DACH2: variants seen among roughly 807,000 people sequenced by gnomAD.
DACH2 encodes dachshund homolog 2.
A neutral mutation model predicts 35.8 loss-of-function variants in DACH2; 17 were observed. The observed-to-expected ratio is 0.48, with a 90% CI of 0.33 to 0.71. The LOEUF (loss-of-function observed/expected upper bound fraction) is 0.71. DACH2 is among the 30% of genes least tolerant of loss of function. DACH2 has a pLI of 0.02. For missense variants in DACH2, 469 were observed against 472.7 expected (o/e 0.99, Z 0.07); for synonymous variants, 195 against 177.3 (o/e 1.10, Z -0.79).
At chrX:86,175,568 A>G (rs1057287967) in intron 1 of DACH2, among the ~76,000 whole-genome samples, 1 of 111,848 alleles carries the variant, frequency 8.9e-6, no homozygotes, top group African/African-American at 3.3e-5. Flanking sequence ...GGTGGAAGAC[A>G]TAACAGCATA....
chrX:86,274,236 T>TGGGAAGCAGAACAC (rs2033865325), intron 1 of DACH2, among the ~76,000 whole-genome samples: 1 of 110,507 alleles, frequency 9.0e-6, no homozygotes, highest in South Asian at 3.9e-4. Context: ...GAAGCAGAAC[T>TGGGAAGCAGAACAC]ATGTATTGTG....
intron 2 of DACH2, among the ~76,000 whole-genome samples, chrX:86,462,249 G>A (rs996007834): frequency 1.8e-5 from 2 of 111,726 alleles, no homozygotes; most frequent in African/African-American, 6.5e-5. Flanking sequence ...GAACTGAAGA[G>A]TTTCTTTATA....
chrX:86,178,391 T>G (rs1451679642), intron 1 of DACH2, among the ~76,000 whole-genome samples: 3 of 111,620 alleles, frequency 2.7e-5, no homozygotes, highest in Admixed American at 1.9e-4. Context: ...TGTAAATTCT[T>G]CAACTTCAGG....
At chrX:86,557,021 G>T (rs930389491) in intron 3 of DACH2, among the ~76,000 whole-genome samples, 3 of 108,362 alleles carry the variant, frequency 2.8e-5, no homozygotes, top group Non-Finnish European at 5.7e-5. Context: ...GAAGGGGGCT[G>T]CTGGTATAAG....
chrX:86,444,978 C>A (rs1285803387), intron 2 of DACH2, among the ~76,000 whole-genome samples: 2 of 110,296 alleles, frequency 1.8e-5, no homozygotes, highest in African/African-American at 6.6e-5. Context: ...AAAATGAGAT[C>A]CTTAAAAAGT....
chrX:86,401,714 T>A (rs1326072570), intron 2 of DACH2, among the ~76,000 whole-genome samples: 7 of 91,146 alleles, frequency 7.7e-5, no homozygotes, highest in Non-Finnish European at 1.0e-4. Context: ...AGTGAGACAG[T>A]GACAAAAAAA....
At chrX:86,693,075 C>T (rs996002362) in intron 4 of DACH2, among the ~76,000 whole-genome samples, 12 of 112,516 alleles carry the variant, frequency 1.1e-4, no homozygotes, top group African/African-American at 3.5e-4. Flanking sequence ...TAAGCACATG[C>T]TGTACAACAG....
At chrX:86,713,456 ATTAATAC>A (rs1983784508) in intron 5 of DACH2, among the ~76,000 whole-genome samples, 1 of 111,626 alleles carries the variant, frequency 9.0e-6, no homozygotes, top group South Asian at 3.7e-4. Context: ...AAAGGACGTT[ATTAATAC>A]TTAATACTTG....
At chrX:86,591,541 A>ATTTTTTTTTTTTT (rs566345938) in intron 3 of DACH2, among the ~76,000 whole-genome samples, 1 of 93,245 alleles carries the variant, frequency 1.1e-5, no homozygotes, top group Non-Finnish European at 2.1e-5. Flanking sequence ...TTCTTTGGCT[A>ATTTTTTTTTTTTT]TTTTTTTTTT....
intron 2 of DACH2, among the ~76,000 whole-genome samples, chrX:86,459,441 C>T (rs745502582): frequency 2.6e-4 from 29 of 111,558 alleles, no homozygotes; most frequent in African/African-American, 9.1e-4. Context: ...CCAGTTTGTA[C>T]CTGGAACCAT....
intron 1 of DACH2, among the ~76,000 whole-genome samples, chrX:86,358,930 G>A (rs2035688501): frequency 9.0e-6 from 1 of 111,438 alleles, no homozygotes; most frequent in Non-Finnish European, 1.9e-5. Context: ...TATCATTGAA[G>A]TTTAAAAAAC....
At chrX:86,556,542 A>G (rs963727828) in intron 3 of DACH2, among the ~76,000 whole-genome samples, 16 of 108,483 alleles carry the variant, frequency 1.5e-4, no homozygotes, top group African/African-American at 5.3e-4. Flanking sequence ...TAGTTAGTGT[A>G]GAATATAAGA....
At chrX:86,459,921 T>A (rs2037539515) in intron 2 of DACH2, among the ~76,000 whole-genome samples, 1 of 111,114 alleles carries the variant, frequency 9.0e-6, no homozygotes, top group Non-Finnish European at 1.9e-5. Flanking sequence ...TATAAAATTG[T>A]CCAACCAGTG....
chrX:86,587,332 T>C (rs764488689), intron 3 of DACH2, among the ~76,000 whole-genome samples: 3 of 111,776 alleles, frequency 2.7e-5, no homozygotes, highest in African/African-American at 9.7e-5. Flanking sequence ...TGGGGTCTTA[T>C]AGATATAGCA....
In DACH2 at chrX:86,439,823, T is replaced by G. The variant is rs72633148; in HGVS notation, c.527+62961T>G. ...CATAAATTTTGAATAGTTGTATTTT[T>G]ATTTTTATTTAGTACAAAATATTTT... On this transcript the variant is annotated intron_variant, in intron 2 of 11. Transcript: ENST00000373125. Among the ~76,000 whole-genome samples the G allele has an allele frequency of 4.2e-4, 47 of 111,837 alleles. No homozygotes were observed. In the East Asian group the frequency reaches 0.013, roughly 30 times the overall value.
At chrX:86,389,111 C>G in intron 2 of DACH2, among the ~76,000 whole-genome samples, 1 of 111,954 alleles carries the variant, frequency 8.9e-6, no homozygotes, top group Non-Finnish European at 1.9e-5. Flanking sequence ...AGCTAGACTA[C>G]TCATTCGTAG....
intron 5 of DACH2, among the ~76,000 whole-genome samples, chrX:86,699,959 C>T (rs1014599279): frequency 2.7e-5 from 3 of 111,582 alleles, no homozygotes; most frequent in Admixed American, 9.5e-5. Context: ...TTATTATTTA[C>T]CCAAAAGTCA....
chrX:86,275,383 G>T, intron 1 of DACH2, among the ~76,000 whole-genome samples: 1 of 110,871 alleles, frequency 9.0e-6, no homozygotes, highest in Middle Eastern at 4.7e-3. Flanking sequence ...TTGAAATTTT[G>T]TTTTTTTAAC....
chrX:86,203,953 C>T (rs996997837), intron 1 of DACH2, among the ~76,000 whole-genome samples: 1 of 111,567 alleles, frequency 9.0e-6, no homozygotes, highest in Non-Finnish European at 1.9e-5. Flanking sequence ...CTTCTAAGCC[C>T]TTAACCCAAT....
Sources: allele counts gnomAD v4.1 joint callset (sites outside exome capture counted in the v4.1 genomes callset), GRCh38; gene constraint gnomAD v4.1.1; transcripts MANE v1.5; gene names NCBI Gene and HGNC (gene_info 2026-07-23, HGNC 2026-07-21).